Variants in JAZF1 observed in about 807,000 individuals in gnomAD.
JAZF1 encodes the protein JAZF zinc finger 1, also known as juxtaposed with another zinc finger protein 1.
Under a neutral mutation model 26.4 loss-of-function variants are expected in JAZF1, and 8 were observed. That is an observed-to-expected ratio of 0.30 (90% CI 0.18 to 0.55). The LOEUF (loss-of-function observed/expected upper bound fraction) is 0.55, where lower values mean the gene tolerates loss of function less well. Ranked by LOEUF, JAZF1 falls within the 20% of genes least tolerant of loss-of-function variation. The probability of loss-of-function intolerance (pLI) is 0.94; values close to 1 mark genes in which losing one functional copy is unlikely to be tolerated. For missense variants in JAZF1, 199 were observed against 322.0 expected (o/e 0.62, Z 2.92); for synonymous variants, 126 against 122.3 (o/e 1.03, Z -0.20).
intron 1 of JAZF1, among the ~76,000 whole-genome samples, chr7:28,104,199 TA>T (rs1784517306): frequency 6.6e-6 from 1 of 152,160 alleles, no homozygotes; most frequent in African/African-American, 2.4e-5. Context: ...CCACCCTAGG[TA>T]GTACTGTGAC....
intron 1 of JAZF1, among the ~76,000 whole-genome samples, chr7:28,079,798 G>A (rs778046900): frequency 4.6e-5 from 7 of 152,068 alleles, no homozygotes; most frequent in Non-Finnish European, 7.4e-5. Context: ...AACCTTTATT[G>A]ACTGCAGCAT....
intron 1 of JAZF1, among the ~76,000 whole-genome samples, chr7:28,075,106 T>C (rs989098994): frequency 6.6e-6 from 1 of 152,142 alleles, no homozygotes; most frequent in Non-Finnish European, 1.5e-5. Flanking sequence ...GTTCAAAGCC[T>C]TACTACACTC....
chr7:27,994,676 G>A (rs778931122), intron 1 of JAZF1, among the ~76,000 whole-genome samples: 1 of 152,184 alleles, frequency 6.6e-6, no homozygotes, highest in Non-Finnish European at 1.5e-5. Context: ...TTAGGCACTT[G>A]GTGCCCACAA....
chr7:27,924,118 G>A (rs757987158), intron 2 of JAZF1, among the ~76,000 whole-genome samples: 4 of 152,024 alleles, frequency 2.6e-5, no homozygotes, highest in African/African-American at 4.8e-5. Flanking sequence ...TTGCTCTGTC[G>A]CCCAGGCTGG....
intron 1 of JAZF1, among the ~76,000 whole-genome samples, chr7:28,010,324 C>T (rs1406571803): frequency 6.6e-6 from 1 of 152,132 alleles, no homozygotes; most frequent in South Asian, 2.1e-4. Context: ...TCTGGGAGGG[C>T]GGTCGTCCCC....
intron 3 of JAZF1, among the ~76,000 whole-genome samples, chr7:27,853,728 G>A (rs1783193329): frequency 6.6e-6 from 1 of 152,092 alleles, no homozygotes; most frequent in African/African-American, 2.4e-5. Context: ...ATTGCACTGT[G>A]GTGTGAGAGA....
intron 3 of JAZF1, among the ~76,000 whole-genome samples, chr7:27,887,542 A>G (rs148407008): frequency 2.5e-4 from 38 of 152,082 alleles, no homozygotes; most frequent in Non-Finnish European, 4.3e-4. Context: ...CAGCCTCCCA[A>G]GTAGCTGGGA....
intron 2 of JAZF1, among the ~76,000 whole-genome samples, chr7:27,975,656 T>A (rs1384810643): frequency 6.6e-6 from 1 of 151,998 alleles, no homozygotes; most frequent in African/African-American, 2.4e-5. Flanking sequence ...GAAATCCAAG[T>A]CTATGTCTAG....
intron 2 of JAZF1, among the ~76,000 whole-genome samples, chr7:27,948,763 A>ATTT (rs1446331483): frequency 6.6e-6 from 1 of 152,172 alleles, no homozygotes; most frequent in Non-Finnish European, 1.5e-5. Context: ...GTTTTTGGTG[A>ATTT]TTAAAAAGAG....
At chr7:27,865,861 T>C (rs1339857605) in intron 3 of JAZF1, among the ~76,000 whole-genome samples, 2 of 152,214 alleles carry the variant, frequency 1.3e-5, no homozygotes, top group Non-Finnish European at 2.9e-5. Context: ...TGATTCAGTA[T>C]CCTTTAGGAC....
chr7:27,889,303 G>A (rs1436529342), intron 3 of JAZF1, among the ~76,000 whole-genome samples: 1 of 152,046 alleles, frequency 6.6e-6, no homozygotes, highest in Non-Finnish European at 1.5e-5. Flanking sequence ...AAATATGGGG[G>A]GAGGGGGGAG....
chr7:28,118,505 G>GA (rs1003549106), intron 1 of JAZF1, among the ~76,000 whole-genome samples: 14 of 151,430 alleles, frequency 9.2e-5, no homozygotes, highest in African/African-American at 2.7e-4. Context: ...TGTCTCAAAA[G>GA]AAAAAAAAGA....
chr7:27,841,239 T>G (rs1782917501), intron 3 of JAZF1: 2 of 198,342 alleles, frequency 1.0e-5, no homozygotes, highest in African/African-American at 2.3e-5. Context: ...CTCCCCATGC[T>G]AGTGCCTGAC....
chr7:27,988,615 G>T (rs1412353244), intron 2 of JAZF1, among the ~76,000 whole-genome samples: 2 of 152,042 alleles, frequency 1.3e-5, no homozygotes, highest in African/African-American at 4.8e-5. Flanking sequence ...AGTGACATTT[G>T]AGTGGCTATT....
At chr7:27,855,161 G>A (rs1783223021) in intron 3 of JAZF1, among the ~76,000 whole-genome samples, 1 of 151,830 alleles carries the variant, frequency 6.6e-6, no homozygotes, top group African/African-American at 2.4e-5. Context: ...TTCAGCTATT[G>A]ATACTTGTGT....
intron 3 of JAZF1, among the ~76,000 whole-genome samples, chr7:27,873,894 C>T (rs1783627594): frequency 6.6e-6 from 1 of 152,232 alleles, no homozygotes; most frequent in Admixed American, 6.5e-5. Context: ...TAGACTGAGA[C>T]ACTCTGATGC....
chr7:28,059,979 C>T (rs1280995620), intron 1 of JAZF1, among the ~76,000 whole-genome samples: 1 of 152,138 alleles, frequency 6.6e-6, no homozygotes, highest in Non-Finnish European at 1.5e-5. Flanking sequence ...TCTTTAATCA[C>T]TTCTGGAAAA....
chr7:27,921,767 C>G (rs1231547084), intron 2 of JAZF1, among the ~76,000 whole-genome samples: 2 of 152,146 alleles, frequency 1.3e-5, no homozygotes, highest in African/African-American at 2.4e-5. Context: ...CATGGTGGCT[C>G]AAGCCTGCAA....
In JAZF1 at chr7:28,079,956, C is replaced by A. The variant is rs560395235; in HGVS notation, c.116-87975G>T. On this transcript the variant is annotated intron_variant, in intron 1 of 4. Coordinates refer to ENST00000283928, the MANE Select transcript of JAZF1 (RefSeq NM_175061.4). ...GCAAGTCACACTAATTTTTTGATTT[C>A]CCAGTGCACATAAAGTTATATTTAC... is the stretch of plus-strand genomic sequence containing the variant. 5.5e-4 allele frequency among the ~76,000 whole-genome samples: 83 copies of A among 152,228 alleles called. No individual in the cohort carries two copies. The Middle Eastern group carries it at 0.014, about 25-fold the overall frequency.
Sources: gnomAD v4.1 joint callset for allele counts (sites outside exome capture counted in the v4.1 genomes callset) on GRCh38, gnomAD v4.1.1 for gene constraint, MANE v1.5 for transcripts, NCBI Gene and HGNC (gene_info 2026-07-23, HGNC 2026-07-21) for gene names.